Variants in KIF1C observed in about 807,000 individuals in gnomAD.
KIF1C encodes kinesin-like protein KIF1C.
Under a neutral mutation model 126.5 loss-of-function variants are expected in KIF1C, and 61 were observed. That is an observed-to-expected ratio of 0.48 (90% CI 0.39 to 0.60). The LOEUF is 0.60. KIF1C is among the 20% of genes least tolerant of loss of function. The pLI, the probability that KIF1C is intolerant of heterozygous loss-of-function variation, is 0.00. For missense variants in KIF1C, 1,315 were observed against 1,489.2 expected, an observed-to-expected ratio of 0.88 and a Z score of 1.93; for synonymous variants, 640 against 580.6, an observed-to-expected ratio of 1.10 and a Z score of -1.47.
intron 17 of KIF1C, 84 bp downstream of exon 17, chr17:5,013,816 C>A: frequency 2.1e-6 from 2 of 937,854 alleles, no homozygotes; most frequent in Non-Finnish European, 3.4e-6. Flanking sequence ...TGTCTCCCTT[C>A]CCTGGTGGTC....
intron 6 of KIF1C, among the ~76,000 whole-genome samples, 162 bp downstream of exon 6, chr17:5,002,286 G>A (rs907073534): frequency 6.6e-6 from 1 of 152,150 alleles, no homozygotes; most frequent in Non-Finnish European, 1.5e-5. Context: ...TCTGGGAGAC[G>A]CTGTTGATCG....
intron 16 of KIF1C, among the ~76,000 whole-genome samples, 157 bp from the exon 17 acceptor site, chr17:5,013,496 G>A (rs187455960): frequency 3.3e-5 from 5 of 152,122 alleles, no homozygotes; most frequent in African/African-American, 9.7e-5. Flanking sequence ...GAGGGATGAC[G>A]ATGGGAGGAG....
rs1974428367 is a variant in KIF1C, at chr17:4,998,046, G to A, written c.-259G>A. The A allele has an allele frequency of 6.7e-6, 1 of 150,370 alleles. No individual in the cohort carries two copies. The highest frequency in any genetic ancestry group is 2.4e-5 in the African/African-American group (1 of 41,176). The allele number at this position is 150,370 out of a possible 1,614,324, so 9.3% of individuals were successfully genotyped here. A position where few individuals can be genotyped will look rare whatever the true frequency, so the allele number is the denominator to read the frequency against. On this transcript the variant is annotated 5_prime_UTR_variant, in exon 1 of 23. Coordinates refer to ENST00000320785, the MANE Select transcript of KIF1C (RefSeq NM_006612.6). ...CGCCCGCCGCCCGGGCACCCGGCGA[G>A]GGGCGGGGGCAGCTCCGAACCGGCC...
Position 5,024,356 on chromosome 17 carries a change from A to C in KIF1C, c.*205A>C. On this transcript the variant is annotated 3_prime_UTR_variant, in exon 23 of 23. Coordinates refer to ENST00000320785, the MANE Select transcript of KIF1C (RefSeq NM_006612.6). ...CACGGAGTTGCCAGGAGCAAACCAA[A>C]GTGAAGAGAGAGATAGGAAGCTGCC... 2.2e-6 allele frequency: 1 copy of C among 448,144 alleles called. No homozygotes were observed. The highest frequency in any genetic ancestry group is 3.9e-6 in the Non-Finnish European group (1 of 253,488). 27.8% of individuals were successfully genotyped at this position (448,144 alleles called of 1,614,324 possible).
In KIF1C at chr17:5,023,915, T is replaced by C; in HGVS notation, c.3076T>C (p.Ser1026Pro). Residue 1026 changes from serine to proline, a missense_variant, in exon 23 of 23, where the codon TCC becomes CCC. Coordinates refer to ENST00000320785, the MANE Select transcript of KIF1C (RefSeq NM_006612.6). The surrounding 1 kb of genome is among the most constrained non-coding windows in gnomAD (Gnocchi z 4.2). ...PARRPPSPRR[S>P]HHPRRNSLDG... Reference sequence around the variant, plus strand: ...CCGCCGGCCTCCGAGTCCCCGAAGGTCCCACCATCCCCGCAGGAACTCCCT... The same window carrying C: ...CCGCCGGCCTCCGAGTCCCCGAAGGCCCCACCATCCCCGCAGGAACTCCCT... The C allele has an allele frequency of 6.4e-7, 1 of 1,562,512 alleles. No homozygotes were observed. Among genetic ancestry groups the C allele is most frequent in the Non-Finnish European group, 8.7e-7 (1 of 1,153,272 alleles).
At chr17:5,011,614 G>A (rs1038910756) in intron 16 of KIF1C, 1 of 152,274 alleles carries the variant, frequency 6.6e-6, no homozygotes, top group Admixed American at 6.5e-5. Context: ...CAGTCCCAGA[G>A]CAGGCCTGAC....
At chr17:5,019,478 G>A (rs1975044772) in intron 18 of KIF1C, 1 of 174,502 alleles carries the variant, frequency 5.7e-6, no homozygotes, top group Admixed American at 5.9e-5. Flanking sequence ...GGAGCAGCTA[G>A]ATGGATGTTT....
Position 5,023,642 on chromosome 17 carries a change from C to T in KIF1C, c.2803C>T (p.Arg935Cys), listed in dbSNP as rs774048138. The T allele has an allele frequency of 2.5e-6, 4 of 1,612,966 alleles. No individual in the cohort carries two copies. The highest frequency in any genetic ancestry group is 2.2e-5 in the East Asian group (1 of 44,850). ...SRLMEEDPAF[R>C]RGRLRWLKQE... The stretch of plus-strand genomic sequence containing the variant: ...GCTCATGGAGGAGGACCCTGCCTTC[C>T]GTCGTGGTCGTCTTCGCTGGCTCAA... The change falls in exon 23 of 23, where the codon CGT becomes TGT. Residue 935 changes from arginine (R) to cysteine (C), a missense_variant. Physicochemically the swap from Arg to Cys is radical, Grantham distance 180 (BLOSUM62 -3). Around this residue, in one of 2 missense-constraint regions of KIF1C, gnomAD observed 441 missense variants for 436.1 expected, o/e 1.01. Coordinates refer to ENST00000320785, the MANE Select transcript of KIF1C (RefSeq NM_006612.6). The surrounding 1 kb of genome is among the most constrained non-coding windows in gnomAD (Gnocchi z 4.2).
chr17:5,014,202 T>C, intron 17 of KIF1C: 1 of 175,350 alleles, frequency 5.7e-6, no homozygotes. Context: ...ACCACAGGCA[T>C]TCGTGGCTGT....
Position 5,002,230 on chromosome 17 carries a change from C to T in KIF1C, c.429+106C>T, listed in dbSNP as rs1974612541. 13 of 1,162,866 alleles carry T rather than the reference C, an allele frequency of 1.1e-5. No individual in the cohort carries two copies. In the South Asian group the frequency reaches 1.4e-4, roughly 12 times the overall value. The allele number at this position is 1,162,866 out of a possible 1,614,324, so 72.0% of individuals were successfully genotyped here. A position where few individuals can be genotyped will look rare whatever the true frequency, so the allele number is the denominator to read the frequency against. ...TAATCCTGGCTCTGCTGGTTACTGA[C>T]TGTGACTTTGGGGCAGTGATTCTGT... is the stretch of plus-strand genomic sequence containing the variant. On this transcript the variant is annotated intron_variant, in intron 6 of 22. Transcript: ENST00000320785.
At chr17:5,021,173 T>TG (rs897165273) in intron 21 of KIF1C, among the ~76,000 whole-genome samples, 2 of 139,054 alleles carry the variant, frequency 1.4e-5, no homozygotes, top group Admixed American at 7.2e-5. Context: ...GTTGTGGTTT[T>TG]TTTTTTTTTT....
chr17:5,025,573 T>C lies in KIF1C; in HGVS notation c.*1422T>C, dbSNP rs1975195264. The C allele has an allele frequency of 6.6e-6, 1 of 151,724 alleles. No individual in the cohort carries two copies. The highest frequency in any genetic ancestry group is 2.4e-5 in the African/African-American group (1 of 41,314). 9.4% of individuals were successfully genotyped at this position (151,724 alleles called of 1,614,324 possible). A position where few individuals can be genotyped will look rare whatever the true frequency, so the allele number is the denominator to read the frequency against. ...TGGTTCACGCCTGTAATGCCAGCAC[T>C]GGGAGGCCGAGGCAGGTGGATCACG... On this transcript the variant is annotated 3_prime_UTR_variant, in exon 23 of 23. Transcript: ENST00000320785.
In KIF1C at chr17:5,022,950, A is replaced by C. The variant is rs548292429; in HGVS notation, c.2628+241A>C. On this transcript the variant is annotated intron_variant, in intron 22 of 22. Coordinates refer to ENST00000320785, the MANE Select transcript of KIF1C (RefSeq NM_006612.6). The surrounding 1 kb of genome is among the most constrained non-coding windows in gnomAD (Gnocchi z 4.9). ...TCCACATCTTTGGGGACAAATCTGCATTTATAATAAGCTCTGGGTGTTTCT... is the reference window on the plus strand; with the variant it reads ...TCCACATCTTTGGGGACAAATCTGCCTTTATAATAAGCTCTGGGTGTTTCT... 4.5e-4 allele frequency among the ~76,000 whole-genome samples: 69 copies of C among 152,350 alleles called. No homozygotes were observed. The highest frequency in any genetic ancestry group is 1.6e-3 in the African/African-American group (67 of 41,580).
At chr17:5,014,868 C>A in intron 18 of KIF1C, 31 bp downstream of exon 18, 1 of 1,524,442 alleles carries the variant, frequency 6.6e-7, no homozygotes, top group Admixed American at 1.9e-5. Context: ...AGAGGCCAGA[C>A]AGGGAGAGAG....
chr17:5,012,787 G>A (rs900663203), intron 16 of KIF1C, among the ~76,000 whole-genome samples: 3 of 152,188 alleles, frequency 2.0e-5, no homozygotes, highest in Admixed American at 1.3e-4. Context: ...ATGAATGGGG[G>A]TACAGAGGCA....
At position 5,022,264 on chromosome 17, in the gene KIF1C, TC is replaced by T. The variant is rs1245227405; in HGVS notation, c.2188del (p.Gln730SerfsTer18). 1 of 1,613,984 alleles carries T rather than the reference TC, an allele frequency of 6.2e-7. No individual in the cohort carries two copies. Among genetic ancestry groups the T allele is most frequent in the Admixed American group, 1.7e-5 (1 of 60,002 alleles). ...AGGGCCCCTCGCAGGGTTTATCAGA[TC>T]CCCCAGCGACGCAGGCTGCAGGGCA... ...KRRAPRRVYQ[I>X]PQRRRLQGKD... On this transcript the variant is annotated frameshift_variant, in exon 22 of 23. Transcript: ENST00000320785. LOFTEE classifies it high-confidence loss of function. The surrounding 1 kb of genome is among the most constrained non-coding windows in gnomAD (Gnocchi z 4.9).
Position 5,006,970 on chromosome 17 carries a change from C to T in KIF1C, c.1221C>T (p.Pro407=). ...VRGALPAVSS[P]PAPVSPSSPT... ...GCGCCCTGCCAGCTGTGTCATCTCC[C>T]CCAGCTCCAGTTTCACCCTCATCAC... is the stretch of plus-strand genomic sequence containing the variant. Residue 407 remains proline (P), a synonymous_variant, in exon 14 of 23, where the codon CCC becomes CCT. Coordinates refer to ENST00000320785, the MANE Select transcript of KIF1C (RefSeq NM_006612.6). 5 of 1,610,484 alleles carry T rather than the reference C, an allele frequency of 3.1e-6. No individual in the cohort carries two copies. Among genetic ancestry groups the T allele is most frequent in the South Asian group, 1.1e-5 (1 of 90,708 alleles).
In KIF1C at chr17:5,023,486, G is replaced by C. The variant is rs142384289; in HGVS notation, c.2647G>C (p.Glu883Gln). Residue 883 changes from glutamate (E) to glutamine (Q), a missense_variant, in exon 23 of 23, where the codon GAA becomes CAA. Glu to Gln is a conservative substitution (Grantham distance 29). Transcript: ENST00000320785. The surrounding 1 kb of genome is among the most constrained non-coding windows in gnomAD (Gnocchi z 4.2). ...PLAQDHEDEN[E>Q]EGGEVPWAPP... ...CTCCCAGGATCATGAGGATGAGAAT[G>C]AAGAAGGTGGTGAGGTCCCCTGGGC... 63 of 1,614,068 alleles carry C rather than the reference G, an allele frequency of 3.9e-5. No individual in the cohort carries two copies. In the African/African-American group the frequency reaches 8.3e-4, roughly 21 times the overall value.
rs1401462041 is a variant in KIF1C at position 5,022,135 on chromosome 17, G to C, written c.2054G>C (p.Cys685Ser). 1 of 1,612,752 alleles carries C rather than the reference G, an allele frequency of 6.2e-7. No homozygotes were observed. Residue 685 changes from cysteine to serine, a missense_variant, in exon 22 of 23, where the codon TGT (cysteine) becomes TCT (serine). Transcript: ENST00000320785. The surrounding 1 kb of genome is among the most constrained non-coding windows in gnomAD (Gnocchi z 4.9). Reference sequence around the variant, plus strand: ...GGGGATGACTCTGACAAGCGCTCTTGTGAAGAGAGCTGGAGGCTCATCTCC... The same window carrying C: ...GGGGATGACTCTGACAAGCGCTCTTCTGAAGAGAGCTGGAGGCTCATCTCC... ...DSGDDSDKRS[C>S]EESWRLISSL...
Sources: allele counts gnomAD v4.1 joint callset (sites outside exome capture counted in the v4.1 genomes callset), GRCh38; gene constraint gnomAD v4.1.1; regional missense constraint gnomAD v4.1.1; non-coding constraint Gnocchi (gnomAD v3.1); transcripts MANE v1.5; gene names NCBI Gene and HGNC (gene_info 2026-07-23, HGNC 2026-07-21).